The following DRC8 variants were observed in gnomAD, a reference collection of about 807,000 sequenced individuals.
DRC8 encodes dynein regulatory complex protein 8.
At chr1:245,072,296 C>CT in the DRC8 span, among the ~76,000 whole-genome samples, 48 of 151,688 alleles carry the variant, frequency 3.2e-4, no homozygotes, top group Admixed American at 2.8e-3. Flanking sequence ...TTTCTTTTTT[C>CT]TTTTTTTTGA....
At chr1:245,040,369 T>C in the DRC8 span, among the ~76,000 whole-genome samples, 1 of 152,040 alleles carries the variant, frequency 6.6e-6, no homozygotes, top group African/African-American at 2.4e-5. Flanking sequence ...CCACTACTTT[T>C]CACCTTGAAT....
chr1:245,117,836 G>A, the DRC8 span, among the ~76,000 whole-genome samples: 1 of 152,084 alleles, frequency 6.6e-6, no homozygotes, highest in African/African-American at 2.4e-5. Context: ...GAGTGTGGTG[G>A]TGTGCACCTG....
the DRC8 span, among the ~76,000 whole-genome samples, chr1:245,107,809 C>T: frequency 6.6e-6 from 1 of 152,168 alleles, no homozygotes; most frequent in Non-Finnish European, 1.5e-5. Flanking sequence ...CCAACCCCAG[C>T]CCAGCCCAGA....
At chr1:244,975,031 C>T in the DRC8 span, among the ~76,000 whole-genome samples, 1 of 151,912 alleles carries the variant, frequency 6.6e-6, no homozygotes, top group African/African-American at 2.4e-5. Flanking sequence ...CCCAGGTTCA[C>T]ACCATTCTCC....
chr1:245,020,409 AC>A, the DRC8 span, among the ~76,000 whole-genome samples: 886 of 152,160 alleles, frequency 5.8e-3, 9 homozygotes, highest in African/African-American at 0.019. Context: ...CAGCTCCGTG[AC>A]TGCGAGTCAC....
the DRC8 span, chr1:245,122,879 T>C: frequency 3.3e-5 from 5 of 152,224 alleles, no homozygotes; most frequent in Non-Finnish European, 7.3e-5. Flanking sequence ...AGAATCCCCA[T>C]GTCCAATAGC....
chr1:244,972,102 A>C, the DRC8 span, among the ~76,000 whole-genome samples: 2 of 152,218 alleles, frequency 1.3e-5, no homozygotes, highest in Non-Finnish European at 2.9e-5. Flanking sequence ...CGTTTTTTAA[A>C]AACTGAGAGC....
the DRC8 span, among the ~76,000 whole-genome samples, chr1:244,979,472 AT>A: frequency 6.6e-6 from 1 of 151,426 alleles, no homozygotes; most frequent in Non-Finnish European, 1.5e-5. Context: ...TGCTGGGCTC[AT>A]TTTTTTATAT....
chr1:245,067,460 A>C, the DRC8 span, among the ~76,000 whole-genome samples: 4 of 152,308 alleles, frequency 2.6e-5, no homozygotes, highest in South Asian at 8.3e-4. Context: ...AAGTGTGATA[A>C]ATACTCCCCA....
chr1:244,974,847 C>T, the DRC8 span, among the ~76,000 whole-genome samples: 1 of 152,216 alleles, frequency 6.6e-6, no homozygotes, highest in Non-Finnish European at 1.5e-5. Flanking sequence ...AGGCGCAAGC[C>T]ACCATGCCCG....
At chr1:244,989,848 A>G in the DRC8 span, among the ~76,000 whole-genome samples, 1 of 152,256 alleles carries the variant, frequency 6.6e-6, no homozygotes, top group Non-Finnish European at 1.5e-5. Flanking sequence ...CCGTGGTTTT[A>G]GTTAACTAAG....
the DRC8 span, among the ~76,000 whole-genome samples, chr1:245,117,349 C>T: frequency 6.6e-5 from 10 of 152,078 alleles, no homozygotes; most frequent in East Asian, 9.7e-4. Context: ...CCACCGTGCC[C>T]GGCCTGGTTT....
At chr1:245,100,970 C>T in the DRC8 span, among the ~76,000 whole-genome samples, 5 of 152,090 alleles carry the variant, frequency 3.3e-5, no homozygotes, top group African/African-American at 4.8e-5. Flanking sequence ...CTGCAACCTC[C>T]GCCTCCCGGG....
At chr1:245,018,226 CAAAAA>C in the DRC8 span, among the ~76,000 whole-genome samples, 4 of 62,656 alleles carry the variant, frequency 6.4e-5, no homozygotes, top group Non-Finnish European at 1.3e-4. Flanking sequence ...GACTCTGTCT[CAAAAA>C]AAAAAAAAAA....
At chr1:245,099,217 A>G in the DRC8 span, among the ~76,000 whole-genome samples, 1,270 of 152,242 alleles carry the variant, frequency 8.3e-3, 14 homozygotes, top group African/African-American at 0.029. Flanking sequence ...TCCCCTCCCC[A>G]GTCCACTGCT....
At chr1:245,106,896 T>G in the DRC8 span, among the ~76,000 whole-genome samples, 5 of 152,032 alleles carry the variant, frequency 3.3e-5, no homozygotes, top group Non-Finnish European at 7.4e-5. Flanking sequence ...ATACAAAAAT[T>G]AGCTGGGTGT....
chr1:245,083,147 A>C, the DRC8 span, among the ~76,000 whole-genome samples: 2 of 151,980 alleles, frequency 1.3e-5, no homozygotes, highest in Non-Finnish European at 2.9e-5. Flanking sequence ...TACTGCCCGA[A>C]CTCCGCCTCC....
the DRC8 span, among the ~76,000 whole-genome samples, chr1:244,989,372 G>C: frequency 6.6e-6 from 1 of 152,104 alleles, no homozygotes; most frequent in Non-Finnish European, 1.5e-5. Flanking sequence ...GCTCCTCTTG[G>C]CTGTGATCGT....
chr1:245,119,418 A>C, the DRC8 span, among the ~76,000 whole-genome samples: 3 of 151,510 alleles, frequency 2.0e-5, no homozygotes, highest in Admixed American at 1.3e-4. Context: ...TCATGCCTGT[A>C]ATCTCAGCAT....
Sources: gnomAD v4.1 joint callset for allele counts (sites outside exome capture counted in the v4.1 genomes callset) on GRCh38, gnomAD v4.1.1 for gene constraint, MANE v1.5 for transcripts, NCBI Gene and HGNC (gene_info 2026-07-23, HGNC 2026-07-21) for gene names.